The following PHEX variants were observed in gnomAD, a reference collection of about 807,000 sequenced individuals.
The protein encoded by PHEX is phosphate-regulating neutral endopeptidase PHEX.
PHEX carries 16 observed loss-of-function variants against 68.0 expected under a neutral mutation model. The observed-to-expected ratio is 0.24, with a 90% CI of 0.16 to 0.36. PHEX has a LOEUF of 0.36. PHEX is among the 10% of genes least tolerant of loss of function. PHEX has a pLI of 1.00. For missense variants in PHEX, 480 were observed against 575.5 expected (o/e 0.83, Z 1.70); for synonymous variants, 208 against 205.1 (o/e 1.01, Z -0.12).
At chrX:22,081,647 C>A (rs1001893563) in intron 5 of PHEX, among the ~76,000 whole-genome samples, 1 of 111,230 alleles carries the variant, frequency 9.0e-6, no homozygotes, top group African/African-American at 3.3e-5. Context: ...AGATATATCC[C>A]CATGCCAAAG....
At chrX:22,232,596 C>CTTTTTTTTTTTTTTTTTTTTTTTTTT (rs745474280) in intron 20 of PHEX, among the ~76,000 whole-genome samples, 2 of 18,547 alleles carry the variant, frequency 1.1e-4, no homozygotes, top group African/African-American at 1.9e-4. Context: ...GCCACTTCTG[C>CTTTTTTTTTTTTTTTTTTTTTTTTTT]TTTTTTTTTT....
At chrX:22,082,581 T>A (rs1391793576) in intron 5 of PHEX, among the ~76,000 whole-genome samples, 1 of 112,677 alleles carries the variant, frequency 8.9e-6, no homozygotes, top group Non-Finnish European at 1.9e-5. Flanking sequence ...TAAATTTGTT[T>A]ATGTTCCTTG....
intron 8 of PHEX, among the ~76,000 whole-genome samples, chrX:22,098,650 TAGCCA>T (rs1443278110): frequency 5.1e-5 from 5 of 98,025 alleles, no homozygotes; most frequent in Admixed American, 3.2e-4. Context: ...AAAAAAAAAT[TAGCCA>T]AGTGTGGTGG....
At chrX:22,136,336 C>T (rs1433080807) in intron 12 of PHEX, among the ~76,000 whole-genome samples, 1 of 111,568 alleles carries the variant, frequency 9.0e-6, no homozygotes, top group Non-Finnish European at 1.9e-5. Context: ...CTGAGTAGCC[C>T]CTGCATTAAG....
chrX:22,059,646 G>C (rs1437264382), intron 3 of PHEX, among the ~76,000 whole-genome samples: 2 of 111,913 alleles, frequency 1.8e-5, no homozygotes, highest in Non-Finnish European at 3.8e-5. Context: ...AAGAACCCCA[G>C]TGTATGTAAG....
chrX:22,190,310 A>C (rs771988310), intron 14 of PHEX, 134 bp from the exon 15 acceptor site: 1 of 560,893 alleles, frequency 1.8e-6, no homozygotes, highest in East Asian at 3.3e-5. Flanking sequence ...TGAGGGAATA[A>C]TTTCCCCTCA....
chrX:22,214,973 A>G (rs954929501), intron 16 of PHEX, among the ~76,000 whole-genome samples: 9 of 111,806 alleles, frequency 8.0e-5, no homozygotes, highest in African/African-American at 2.9e-4. Context: ...CTAAAAAATT[A>G]AAGGTTTAGG....
chrX:22,130,237 G>C (rs748648456), intron 11 of PHEX, among the ~76,000 whole-genome samples: 18 of 111,577 alleles, frequency 1.6e-4, no homozygotes, highest in South Asian at 3.8e-4. Context: ...GTTGCTACAT[G>C]ATGAGTCCCT....
chrX:22,227,267 G>A (rs187419285), intron 19 of PHEX, among the ~76,000 whole-genome samples: 15 of 112,538 alleles, frequency 1.3e-4, no homozygotes, highest in African/African-American at 4.8e-4. Context: ...TTCTCCAAGA[G>A]TTATTTAACA....
intron 12 of PHEX, among the ~76,000 whole-genome samples, chrX:22,154,948 G>A (rs773437280): frequency 3.6e-5 from 4 of 112,372 alleles, no homozygotes; most frequent in Admixed American, 9.4e-5. Flanking sequence ...GTCTCGCTCC[G>A]TTGCCCAGGC....
chrX:22,224,967 T>G (rs1935411664), intron 18 of PHEX, among the ~76,000 whole-genome samples: 1 of 113,642 alleles, frequency 8.8e-6, no homozygotes, highest in African/African-American at 3.2e-5. Context: ...CAGCGCTGTA[T>G]GATTTATTAT....
chrX:22,094,581 A>G (rs1930052347), intron 7 of PHEX, among the ~76,000 whole-genome samples: 1 of 112,533 alleles, frequency 8.9e-6, no homozygotes. Flanking sequence ...CCAATACTGG[A>G]TATAAAAGTT....
intron 18 of PHEX, among the ~76,000 whole-genome samples, chrX:22,224,990 T>TATGATTTATTATCATAAAGATCTGA (rs1935423202): frequency 9.3e-6 from 1 of 107,395 alleles, no homozygotes. Context: ...TACAGCTCTG[T>TATGATTTATTATCATAAAGATCTGA]ATGTCAGAAG....
At chrX:22,245,809 T>C (rs1448062178) in intron 21 of PHEX, among the ~76,000 whole-genome samples, 1 of 112,222 alleles carries the variant, frequency 8.9e-6, no homozygotes, top group Non-Finnish European at 1.9e-5. Context: ...CTCAACTGCT[T>C]ACTTTTTTGT....
chrX:22,156,085 A>G (rs771626702), intron 12 of PHEX, among the ~76,000 whole-genome samples: 89 of 112,198 alleles, frequency 7.9e-4, no homozygotes, highest in Middle Eastern at 4.6e-3. Flanking sequence ...AAGATGGATT[A>G]ACAAGAGAAA....
intron 2 of PHEX, among the ~76,000 whole-genome samples, chrX:22,046,633 T>G (rs1313039516): frequency 9.5e-6 from 1 of 104,848 alleles, no homozygotes; most frequent in African/African-American, 3.5e-5. Flanking sequence ...AGTGGTGCGA[T>G]CTCAGCTCAC....
intron 3 of PHEX, among the ~76,000 whole-genome samples, chrX:22,050,407 G>T (rs1927766713): frequency 9.1e-6 from 1 of 109,740 alleles, no homozygotes; most frequent in Non-Finnish European, 1.9e-5. Flanking sequence ...GTGAAACCTC[G>T]TCTCTACCAA....
chrX:22,231,522 T>G (rs371034908), intron 20 of PHEX, among the ~76,000 whole-genome samples: 3 of 112,020 alleles, frequency 2.7e-5, no homozygotes, highest in African/African-American at 9.8e-5. Flanking sequence ...GTCCAGGAAT[T>G]TATCCATTTC....
At chrX:22,120,814 A>G (rs1439297475) in intron 11 of PHEX, among the ~76,000 whole-genome samples, 1 of 112,069 alleles carries the variant, frequency 8.9e-6, no homozygotes, top group African/African-American at 3.2e-5. Flanking sequence ...AAAAATGTTT[A>G]CCATTCTCTA....
Sources: gnomAD v4.1 joint callset for allele counts (sites outside exome capture counted in the v4.1 genomes callset) on GRCh38, gnomAD v4.1.1 for gene constraint, MANE v1.5 for transcripts, NCBI Gene and HGNC (gene_info 2026-07-23, HGNC 2026-07-21) for gene names.